FUBP1: variants seen among roughly 807,000 people sequenced by gnomAD.
The protein encoded by FUBP1 is far upstream element binding protein 1, also known as far upstream element-binding protein 1.
In FUBP1, 16 loss-of-function variants were observed where a neutral mutation model predicts 94.9. That is an observed-to-expected ratio of 0.17 (90% CI 0.11 to 0.26). FUBP1 has a LOEUF of 0.26. Among genes scored for constraint, FUBP1 ranks in the 10% least tolerant of loss-of-function variants. The pLI is 1.00. For synonymous variants in FUBP1, 279 were observed against 254.9 expected (o/e 1.09, Z -0.90); for missense variants, 583 against 808.6 (o/e 0.72, Z 3.38).
In FUBP1 at chr1:77,957,029, T is replaced by C. The variant is rs1365398930; in HGVS notation, c.1577-329A>G. Among the ~76,000 whole-genome samples, 3 of 152,138 alleles carry C rather than the reference T, an allele frequency of 2.0e-5. No individual in the cohort carries two copies. In the East Asian group the frequency reaches 5.8e-4, roughly 29 times the overall value. On this transcript the variant is annotated intron_variant, in intron 16 of 19. Coordinates refer to ENST00000370768, the MANE Select transcript of FUBP1 (RefSeq NM_003902.5). ...CCTGTGCCCTTGTTTTTTTCTAAAT[T>C]GGTTTCGCCTCAAGCACAAACAGCT...
intron 1 of FUBP1, among the ~76,000 whole-genome samples, chr1:77,975,549 C>G (rs1184624725): frequency 2.6e-5 from 4 of 152,118 alleles, no homozygotes; most frequent in Non-Finnish European, 5.9e-5. Context: ...TCATAGTTGT[C>G]TAGAGGGGAA....
chr1:77,951,379 T>A (rs955237646), intron 18 of FUBP1, among the ~76,000 whole-genome samples: 1 of 152,234 alleles, frequency 6.6e-6, no homozygotes, highest in African/African-American at 2.4e-5. Context: ...TGGTAATATT[T>A]GACACTCCAA....
intron 1 of FUBP1, among the ~76,000 whole-genome samples, chr1:77,972,821 A>T (rs1287014269): frequency 2.0e-5 from 3 of 151,988 alleles, no homozygotes; most frequent in Non-Finnish European, 4.4e-5. Context: ...GACAGTTCAC[A>T]CTAAAGAAAC....
intron 18 of FUBP1, 29 bp from the exon 19 acceptor site, chr1:77,949,329 A>G (rs368516501): frequency 3.6e-5 from 57 of 1,592,962 alleles, no homozygotes; most frequent in Admixed American, 2.0e-4. Flanking sequence ...TTGTTGCTGT[A>G]ACCACAATTA....
intron 1 of FUBP1, among the ~76,000 whole-genome samples, chr1:77,977,384 G>A (rs1242527578): frequency 6.6e-6 from 1 of 152,124 alleles, no homozygotes; most frequent in Non-Finnish European, 1.5e-5. Flanking sequence ...AAATTAGCCG[G>A]GCATGGTGGC....
At chr1:77,976,159 A>G (rs1364457096) in intron 1 of FUBP1, among the ~76,000 whole-genome samples, 1 of 152,250 alleles carries the variant, frequency 6.6e-6, no homozygotes. Flanking sequence ...GGATTCTAGA[A>G]ACTTAAGTCA....
In FUBP1 at chr1:77,950,572, T is replaced by C. The variant is rs1223226045; in HGVS notation, c.1781-1272A>G. ...GCAAACTTTTAAAAAATGATGAAGCTGAGTGTCTGATGCCTTATTTCCCCA... is the reference window on the plus strand; with the variant it reads ...GCAAACTTTTAAAAAATGATGAAGCCGAGTGTCTGATGCCTTATTTCCCCA... On this transcript the variant is annotated intron_variant, in intron 18 of 19. Transcript: ENST00000370768. Among the ~76,000 whole-genome samples the C allele has an allele frequency of 2.0e-5, 3 of 152,236 alleles. No individual in the cohort carries two copies. The South Asian group carries it at 6.2e-4, about 32-fold the overall frequency.
rs1274185389 is a variant in FUBP1, at chr1:77,945,489, T to C, written c.*3277A>G. On this transcript the variant is annotated 3_prime_UTR_variant, in exon 20 of 20. Coordinates refer to ENST00000370768, the MANE Select transcript of FUBP1 (RefSeq NM_003902.5). ...GAATACATTTCATATTTCTCAATTA[T>C]GATTTGCCAATTTTACCTTCTACAT... is the stretch of plus-strand genomic sequence containing the variant. The C allele has an allele frequency of 4.8e-6, 1 of 209,914 alleles. No individual in the cohort carries two copies. Among genetic ancestry groups the C allele is most frequent in the Non-Finnish European group, 9.7e-6 (1 of 103,210 alleles). 13.0% of individuals were successfully genotyped at this position (209,914 alleles called of 1,614,324 possible).
intron 16 of FUBP1, among the ~76,000 whole-genome samples, chr1:77,957,207 A>C (rs894162178): frequency 1.5e-4 from 23 of 152,230 alleles, no homozygotes; most frequent in African/African-American, 5.5e-4. Context: ...CCTATTTCAC[A>C]TTGAATGTTA....
At chr1:77,969,020 G>C in intron 2 of FUBP1, 1 of 1,215,336 alleles carries the variant, frequency 8.2e-7, no homozygotes, top group South Asian at 1.3e-5. Flanking sequence ...AAAAATTCCT[G>C]CCTTTAAAAG....
At chr1:77,964,566 G>A (rs936218099) in intron 10 of FUBP1, 80 bp downstream of exon 10, 53 of 831,914 alleles carry the variant, frequency 6.4e-5, no homozygotes, top group African/African-American at 1.5e-4. Context: ...CAATGTTAGA[G>A]CTACTTAACA....
At chr1:77,975,914 G>A (rs533133972) in intron 1 of FUBP1, among the ~76,000 whole-genome samples, 2 of 152,074 alleles carry the variant, frequency 1.3e-5, no homozygotes, top group South Asian at 2.1e-4. Flanking sequence ...ATGACCAGAT[G>A]TCAACAACCA....
rs759767459 is a variant in FUBP1 at position 77,946,820 on chromosome 1, CT to C, written c.*1945del. The C allele has an allele frequency of 9.8e-6, 2 of 204,346 alleles. No individual in the cohort carries two copies. Among genetic ancestry groups the C allele is most frequent in the Non-Finnish European group, 2.0e-5 (2 of 99,820 alleles). The allele number at this position is 204,346 out of a possible 1,614,324, so 12.7% of individuals were successfully genotyped here. On this transcript the variant is annotated 3_prime_UTR_variant, in exon 20 of 20. Coordinates refer to ENST00000370768, the MANE Select transcript of FUBP1 (RefSeq NM_003902.5). ...AGATAACAAATAGCTAACTCCTTAA[CT>C]ATTAAACTTCATACTAGAACTATAT...
chr1:77,955,281 G>C lies in FUBP1; in HGVS notation c.1754C>G (p.Ala585Gly). 1.3e-6 allele frequency: 2 copies of C among 1,521,246 alleles called. No homozygotes were observed. Among genetic ancestry groups the C allele is most frequent in the South Asian group, 1.1e-5 (1 of 89,168 alleles). 94.2% of individuals were successfully genotyped at this position (1,521,246 alleles called of 1,614,324 possible). Residue 585 changes from alanine to glycine, a missense_variant, in exon 18 of 20, where the codon GCT (alanine) becomes GGT (glycine). Coordinates refer to ENST00000370768, the MANE Select transcript of FUBP1 (RefSeq NM_003902.5). ...APAGQVDYTKAWEEYYKKMGQ... is the reference protein window; with the variant it reads ...APAGQVDYTKGWEEYYKKMGQ... ...CATTTTCTTGTAGTACTCTTCCCAA[G>C]CCTTGGTATAATCAACCTGTCCAGC...
In FUBP1 at chr1:77,966,974, ATTT is replaced by A. The variant is rs5775434; in HGVS notation, c.344-22_344-20del. 3.4e-6 allele frequency: 5 copies of A among 1,458,990 alleles called. No homozygotes were observed. The highest frequency in any genetic ancestry group is 2.3e-5 in the East Asian group (1 of 43,530). 90.4% of individuals were successfully genotyped at this position (1,458,990 alleles called of 1,614,324 possible). A position where few individuals can be genotyped will look rare whatever the true frequency, so the allele number is the denominator to read the frequency against. Reference sequence around the variant, plus strand: ...CCAATTACTAGTTAGAAAAAAAAAAATTTTTTTTTTGGTTGAAAGATTCTAAAG... The same window carrying A: ...CCAATTACTAGTTAGAAAAAAAAAAATTTTTTTGGTTGAAAGATTCTAAAG... On this transcript the variant is annotated intron_variant, in intron 5 of 19. Transcript: ENST00000370768.
At chr1:77,960,104 G>C in intron 16 of FUBP1, 80 bp downstream of exon 16, 2 of 1,010,432 alleles carry the variant, frequency 2.0e-6, no homozygotes, top group Non-Finnish European at 3.1e-6. Flanking sequence ...TACAAATGTA[G>C]AATCAACACT....
At chr1:77,974,793 C>T (rs975406068) in intron 1 of FUBP1, among the ~76,000 whole-genome samples, 9 of 152,210 alleles carry the variant, frequency 5.9e-5, no homozygotes, top group African/African-American at 1.2e-4. Flanking sequence ...ATGTATCCTC[C>T]GAGGTTAAGA....
chr1:77,953,470 G>A (rs940545405), intron 18 of FUBP1, among the ~76,000 whole-genome samples: 15 of 151,884 alleles, frequency 9.9e-5, no homozygotes, highest in African/African-American at 2.7e-4. Context: ...CAGCCTGGGC[G>A]AGAGTGAGAC....
intron 2 of FUBP1, chr1:77,968,966 C>A: frequency 1.8e-6 from 1 of 557,740 alleles, no homozygotes; most frequent in Non-Finnish European, 3.1e-6. Flanking sequence ...TTTAAGAATC[C>A]ACTGGTTTAT....
Sources: allele counts gnomAD v4.1 joint callset (sites outside exome capture counted in the v4.1 genomes callset), GRCh38; gene constraint gnomAD v4.1.1; transcripts MANE v1.5; gene names NCBI Gene and HGNC (gene_info 2026-07-23, HGNC 2026-07-21).